The following SEC14L1 variants were observed in gnomAD, a reference collection of about 807,000 sequenced individuals.
SEC14L1 encodes SEC14 like lipid binding 1.
SEC14L1 carries 48 observed loss-of-function variants against 85.3 expected under a neutral mutation model. The observed-to-expected ratio is 0.56, with a 90% CI of 0.45 to 0.72. The LOEUF is 0.72. Ranked by LOEUF, SEC14L1 falls within the 30% of genes least tolerant of loss-of-function variation. The pLI, the probability that SEC14L1 is intolerant of heterozygous loss-of-function variation, is 0.00. For missense variants in SEC14L1, 682 were observed against 921.4 expected (o/e 0.74, Z 3.36); for synonymous variants, 391 against 355.5 (o/e 1.10, Z -1.12).
At chr17:77,097,514 G>A (rs554790548) in intron 3 of SEC14L1, among the ~76,000 whole-genome samples, 1 of 151,768 alleles carries the variant, frequency 6.6e-6, no homozygotes, top group Admixed American at 6.6e-5. Context: ...CAGTGAGCCG[G>A]GATTGTGCCA....
upstream of SEC14L1, among the ~76,000 whole-genome samples, chr17:77,136,911 C>CT (rs577567553): frequency 0.074 from 10,572 of 142,096 alleles, 482 homozygotes; most frequent in Non-Finnish European, 0.11. Flanking sequence ...CTTTTTCTTT[C>CT]TTTTTTTTTT....
chr17:77,216,480 T>C lies in SEC14L1; in HGVS notation c.*2457T>C. On this transcript the variant is annotated 3_prime_UTR_variant, in exon 17 of 17. Coordinates refer to ENST00000436233, the MANE Select transcript of SEC14L1 (RefSeq NM_001143998.2). ...CGTCTGTGCTGCTTCCACCTGGTGC[T>C]TCCTGTTCCCAAATCACAAGGGCCT... The C allele has an allele frequency of 6.2e-7, 1 of 1,612,550 alleles. No homozygotes were observed. Among genetic ancestry groups the C allele is most frequent in the East Asian group, 2.2e-5 (1 of 44,888 alleles).
chr17:77,168,020 G>A (rs1359910826), intron 3 of SEC14L1, among the ~76,000 whole-genome samples: 2 of 152,144 alleles, frequency 1.3e-5, no homozygotes, highest in African/African-American at 2.4e-5. Flanking sequence ...GCTAGGGTTG[G>A]ACCATACAAT....
intron 13 of SEC14L1, among the ~76,000 whole-genome samples, 190 bp from the exon 14 acceptor site, chr17:77,209,152 A>G (rs942456877): frequency 5.3e-5 from 8 of 152,332 alleles, no homozygotes; most frequent in Admixed American, 2.6e-4. Flanking sequence ...AGTAAAACAC[A>G]TGTATTTAAG....
At chr17:77,174,876 A>G (rs1974681065) in intron 3 of SEC14L1, among the ~76,000 whole-genome samples, 1 of 152,216 alleles carries the variant, frequency 6.6e-6, no homozygotes, top group Admixed American at 6.5e-5. Flanking sequence ...AAAGGAGGGA[A>G]GGGGTTTTTA....
At chr17:77,197,731 T>C (rs1431369275) in intron 8 of SEC14L1, among the ~76,000 whole-genome samples, 2 of 152,102 alleles carry the variant, frequency 1.3e-5, no homozygotes, top group Non-Finnish European at 2.9e-5. Context: ...TGCCTCAGCC[T>C]CCTGAGAGCT....
intron 3 of SEC14L1, among the ~76,000 whole-genome samples, chr17:77,124,488 C>T (rs370058998): frequency 1.3e-5 from 2 of 152,188 alleles, no homozygotes; most frequent in Non-Finnish European, 2.9e-5. Flanking sequence ...CACTGGGTCA[C>T]GGGAGGTAGG....
intron 3 of SEC14L1, among the ~76,000 whole-genome samples, chr17:77,103,439 T>G (rs941256304): frequency 3.3e-5 from 5 of 150,914 alleles, no homozygotes; most frequent in Non-Finnish European, 5.9e-5. Context: ...TTGTTGTTTT[T>G]TTTTTGTTGT....
intron 14 of SEC14L1, chr17:77,211,049 G>C (rs532916867): frequency 6.6e-6 from 1 of 152,444 alleles, no homozygotes; most frequent in Non-Finnish European, 1.5e-5. Context: ...ACGTGGTGCC[G>C]CCTGCTGTTC....
At chr17:77,134,256 T>C (rs902802158) in intron 3 of SEC14L1, among the ~76,000 whole-genome samples, 12 of 151,792 alleles carry the variant, frequency 7.9e-5, no homozygotes, top group African/African-American at 2.9e-4. Flanking sequence ...ACACACTTTT[T>C]TTTTTTTTTT....
Position 77,205,312 on chromosome 17 carries a change from G to A in SEC14L1, c.1135G>A (p.Glu379Lys), listed in dbSNP as rs947024358. 5.5e-5 allele frequency: 89 copies of A among 1,614,074 alleles called. No homozygotes were observed. Among genetic ancestry groups the A allele is most frequent in the Middle Eastern group, 1.6e-4 (1 of 6,070 alleles). The change falls in exon 11 of 17, where the codon GAA becomes AAA. Residue 379 changes from glutamate (E) to lysine (K), a missense_variant. Glu to Lys is a moderately conservative substitution (Grantham distance 56). Transcript: ENST00000436233. ...AAATGAAGAAGGGCTAAGGCGATGC[G>A]AAGAGAATACAAAAGTCTTTGGTCG... ...SINEEGLRRC[E>K]ENTKVFGRPI... is the part of the protein sequence containing the mutation.
At chr17:77,169,337 G>A (rs115698748) in intron 3 of SEC14L1, among the ~76,000 whole-genome samples, 11 of 152,226 alleles carry the variant, frequency 7.2e-5, no homozygotes, top group Admixed American at 2.0e-4. Flanking sequence ...GCTGACCTGC[G>A]GGGTCTTTAA....
intron 8 of SEC14L1, among the ~76,000 whole-genome samples, chr17:77,196,830 C>T (rs756178310): frequency 5.9e-5 from 9 of 152,228 alleles, no homozygotes; most frequent in Non-Finnish European, 1.2e-4. Flanking sequence ...AGCCTGCTTA[C>T]TAGAAACCAA....
At chr17:77,156,350 G>A (rs972194769) in intron 3 of SEC14L1, among the ~76,000 whole-genome samples, 3 of 152,136 alleles carry the variant, frequency 2.0e-5, no homozygotes, top group South Asian at 2.1e-4. Flanking sequence ...TGAGGCAGGC[G>A]GATCACTTGA....
At chr17:77,191,448 T>C (rs1256265627) in intron 5 of SEC14L1, 136 bp downstream of exon 5, 5 of 970,884 alleles carry the variant, frequency 5.1e-6, no homozygotes, top group African/African-American at 4.9e-5. Flanking sequence ...TCATTTCTCA[T>C]GTGTAGGAGG....
In SEC14L1 at chr17:77,209,486, C is replaced by T. The variant is rs1976634546; in HGVS notation, c.1611+10C>T. 5.6e-6 allele frequency: 9 copies of T among 1,612,892 alleles called. No individual in the cohort carries two copies. The highest frequency in any genetic ancestry group is 7.6e-6 in the Non-Finnish European group (9 of 1,179,722). ...AGGAGCCCCACATGAGGTACGTCCT[C>T]CGCCTTCCTGCACCTGGGCCGGCCC... On this transcript the variant is annotated intron_variant, in intron 14 of 16. Coordinates refer to ENST00000436233, the MANE Select transcript of SEC14L1 (RefSeq NM_001143998.2).
At chr17:77,125,554 T>C (rs1053268712) in intron 3 of SEC14L1, among the ~76,000 whole-genome samples, 1 of 152,146 alleles carries the variant, frequency 6.6e-6, no homozygotes, top group Non-Finnish European at 1.5e-5. Context: ...CCAGGTTATT[T>C]GTACTTGCTA....
At chr17:77,115,401 C>G (rs927781464) in intron 3 of SEC14L1, among the ~76,000 whole-genome samples, 2 of 151,930 alleles carry the variant, frequency 1.3e-5, no homozygotes, top group Non-Finnish European at 2.9e-5. Context: ...TGCACTCCAG[C>G]CTGGGCAATA....
At chr17:77,165,820 A>G (rs1311384598) in intron 3 of SEC14L1, among the ~76,000 whole-genome samples, 1 of 152,190 alleles carries the variant, frequency 6.6e-6, no homozygotes, top group African/African-American at 2.4e-5. Context: ...TGAGATTTAC[A>G]TCTTGTAATT....
Sources: allele counts gnomAD v4.1 joint callset (sites outside exome capture counted in the v4.1 genomes callset), GRCh38; gene constraint gnomAD v4.1.1; transcripts MANE v1.5; gene names NCBI Gene and HGNC (gene_info 2026-07-23, HGNC 2026-07-21).